Variants in AKT2 observed in about 807,000 individuals in gnomAD.
AKT2 encodes the protein RAC-beta serine/threonine-protein kinase.
In AKT2, 16 loss-of-function variants were observed where a neutral mutation model predicts 58.6. The ratio of observed to expected loss-of-function variants is 0.27; its 90% CI spans 0.18 to 0.41. AKT2 has a LOEUF of 0.41. AKT2 is among the 10% of genes least tolerant of loss of function. The pLI, the probability that AKT2 is intolerant of heterozygous loss-of-function variation, is 1.00. For missense variants in AKT2, 438 were observed against 661.0 expected (o/e 0.66, Z 3.70); for synonymous variants, 253 against 254.0 (o/e 1.00, Z 0.04).
intron 9 of AKT2, chr19:40,236,728 A>G (rs1350351939): frequency 5.6e-6 from 2 of 355,142 alleles, no homozygotes; most frequent in African/African-American, 4.2e-5. Context: ...CTGTCCTTTA[A>G]TTATGAAATA....
intron 4 of AKT2, among the ~76,000 whole-genome samples, chr19:40,252,840 C>A (rs1183740853): frequency 6.6e-6 from 1 of 152,194 alleles, no homozygotes; most frequent in Admixed American, 6.5e-5. Context: ...ACACCCAGGA[C>A]CTATACACCC....
chr19:40,271,006 G>A (rs1237826593), intron 1 of AKT2, among the ~76,000 whole-genome samples: 1 of 148,592 alleles, frequency 6.7e-6, no homozygotes, highest in African/African-American at 2.5e-5. Context: ...GAGCAAAACT[G>A]TGTCTCAAAA....
At chr19:40,245,062 G>C (rs979553042) in intron 4 of AKT2, among the ~76,000 whole-genome samples, 5 of 152,174 alleles carry the variant, frequency 3.3e-5, no homozygotes, top group Admixed American at 2.6e-4. Flanking sequence ...TATGAAACAG[G>C]GTGCCTCCCC....
chr19:40,267,078 C>G (rs58336440), intron 1 of AKT2, among the ~76,000 whole-genome samples: 27,444 of 152,084 alleles, frequency 0.18, 2,774 homozygotes, highest in African/African-American at 0.25. Flanking sequence ...GGTCTGCCCC[C>G]ATCTGCCCCC....
At chr19:40,275,234 C>T (rs1455817425) in intron 1 of AKT2, 2 of 456,844 alleles carry the variant, frequency 4.4e-6, no homozygotes, top group South Asian at 3.1e-5. Flanking sequence ...CGCCTCCTCC[C>T]ACACCCCGGC....
chr19:40,271,264 T>C (rs1214648606), intron 1 of AKT2, among the ~76,000 whole-genome samples: 1 of 143,282 alleles, frequency 7.0e-6, no homozygotes. Context: ...TATATATACA[T>C]ATATATATAT....
rs1358398280 is a variant in AKT2 at position 40,235,607 on chromosome 19, T to C, written c.1176-257A>G. 9 of 613,382 alleles carry C rather than the reference T, an allele frequency of 1.5e-5. No homozygotes were observed. The Admixed American group carries it at 1.7e-4, about 11-fold the overall frequency. 38.0% of individuals were successfully genotyped at this position (613,382 alleles called of 1,614,324 possible). A position where few individuals can be genotyped will look rare whatever the true frequency, so the allele number is the denominator to read the frequency against. On this transcript the variant is annotated intron_variant, in intron 11 of 13. Coordinates refer to ENST00000392038, the MANE Select transcript of AKT2 (RefSeq NM_001626.6). The surrounding 1 kb of genome is among the most constrained non-coding windows in gnomAD (Gnocchi z 6.3). ...CAGAAAGGGAGTTAGTAGGGCAGGC[T>C]CCGTTCCTATCCTGGCTCTGCCACA...
In AKT2 at chr19:40,240,099, A is replaced by G; in HGVS notation, c.585T>C (p.Ala195=). 1.2e-6 allele frequency: 2 copies of G among 1,614,004 alleles called. No homozygotes were observed. Among genetic ancestry groups the G allele is most frequent in the African/African-American group, 2.7e-5 (2 of 75,042 alleles). Residue 195 remains alanine (A), a synonymous_variant, in exon 7 of 14, where the codon GCT becomes GCC. Transcript: ENST00000392038. ...GGACCCGGCTCTCGGTGACTGTGTG[A>G]GCGACTTCATCCTGCAGACAGACTG... ...KEVIIAKDEV[A]HTVTESRVLQ...
Position 40,238,777 on chromosome 19 carries a change from G to C in AKT2, c.708+128C>G, listed in dbSNP as rs904868975. 1.6e-5 allele frequency: 16 copies of C among 1,021,786 alleles called. No individual in the cohort carries two copies. Among genetic ancestry groups the C allele is most frequent in the Non-Finnish European group, 2.0e-5 (13 of 652,132 alleles). 63.3% of individuals were successfully genotyped at this position (1,021,786 alleles called of 1,614,324 possible). ...ATGGAGACGAAGCCGCCTGCCTCAA[G>C]GGAGAGGGGCACTAGATGACACTGA... On this transcript the variant is annotated intron_variant, in intron 8 of 13. Transcript: ENST00000392038. The surrounding 1 kb of genome is among the most constrained non-coding windows in gnomAD (Gnocchi z 5.1).
chr19:40,250,595 A>C (rs1443724382), intron 4 of AKT2, among the ~76,000 whole-genome samples: 1 of 152,152 alleles, frequency 6.6e-6, no homozygotes. Flanking sequence ...TGGGAGGTTA[A>C]GATGGGCAGA....
intron 1 of AKT2, chr19:40,274,059 CTGT>C (rs2077266588): frequency 6.6e-6 from 1 of 152,660 alleles, no homozygotes; most frequent in South Asian, 2.1e-4. Flanking sequence ...GCCTGGCACT[CTGT>C]TCACCCATCT....
At chr19:40,269,597 C>G (rs1048730821) in intron 1 of AKT2, 1 of 152,140 alleles carries the variant, frequency 6.6e-6, no homozygotes, top group Non-Finnish European at 1.5e-5. Flanking sequence ...CCTAGCAATT[C>G]GTCTCAAGGA....
In AKT2 at chr19:40,257,764, T is replaced by C. The variant is rs1975645603; in HGVS notation, c.47-710A>G. ...GACCCTAATGTCCATCAACAACGAATGGATAAACAAAATGTAGCAGATTCA... is the reference window on the plus strand; with the variant it reads ...GACCCTAATGTCCATCAACAACGAACGGATAAACAAAATGTAGCAGATTCA... On this transcript the variant is annotated intron_variant, in intron 2 of 13. Coordinates refer to ENST00000392038, the MANE Select transcript of AKT2 (RefSeq NM_001626.6). Among the ~76,000 whole-genome samples, 3 of 152,050 alleles carry C rather than the reference T, an allele frequency of 2.0e-5. No individual in the cohort carries two copies. The South Asian group carries it at 6.2e-4, about 31-fold the overall frequency.
chr19:40,237,792 G>A lies in AKT2; in HGVS notation c.831+177C>T, dbSNP rs1030916994. On this transcript the variant is annotated intron_variant, in intron 9 of 13. Coordinates refer to ENST00000392038, the MANE Select transcript of AKT2 (RefSeq NM_001626.6). The surrounding 1 kb of genome is among the most constrained non-coding windows in gnomAD (Gnocchi z 4.5). ...GACCTTGGTGGGGAGCCTGGTGAAT[G>A]AGGGCAGCCACCACCCTGGACCTTG... 2.3e-6 allele frequency: 2 copies of A among 874,154 alleles called. No individual in the cohort carries two copies. Among genetic ancestry groups the A allele is most frequent in the African/African-American group, 1.7e-5 (1 of 57,540 alleles). The allele number at this position is 874,154 out of a possible 1,614,324, so 54.1% of individuals were successfully genotyped here.
intron 1 of AKT2, among the ~76,000 whole-genome samples, chr19:40,281,988 A>G (rs2077431617): frequency 6.6e-6 from 1 of 152,222 alleles, no homozygotes; most frequent in African/African-American, 2.4e-5. Context: ...AGCCTGCTCA[A>G]GGTCACACAG....
chr19:40,272,765 C>T (rs911783409), intron 1 of AKT2, among the ~76,000 whole-genome samples: 2 of 150,974 alleles, frequency 1.3e-5, no homozygotes, highest in African/African-American at 4.9e-5. Context: ...AAAAGAAATC[C>T]GAAGGAAATA....
At chr19:40,269,265 T>C (rs1976563142) in intron 1 of AKT2, among the ~76,000 whole-genome samples, 1 of 152,182 alleles carries the variant, frequency 6.6e-6, no homozygotes, top group South Asian at 2.1e-4. Context: ...CTAAGGTTCC[T>C]GGGCATGAGT....
At chr19:40,247,512 G>A (rs777923983) in intron 4 of AKT2, among the ~76,000 whole-genome samples, 2 of 152,204 alleles carry the variant, frequency 1.3e-5, no homozygotes, top group African/African-American at 2.4e-5. Context: ...TCAGTGAAGC[G>A]CTGAAAGCTA....
chr19:40,255,892 G>C (rs972399045), intron 3 of AKT2, among the ~76,000 whole-genome samples: 1 of 152,194 alleles, frequency 6.6e-6, no homozygotes, highest in African/African-American at 2.4e-5. Context: ...AGAGGGTGAG[G>C]CTGGAGGTTG....
Sources: gnomAD v4.1 joint callset for allele counts (sites outside exome capture counted in the v4.1 genomes callset) on GRCh38, gnomAD v4.1.1 for gene constraint, Gnocchi (gnomAD v3.1) non-coding constraint, MANE v1.5 for transcripts, NCBI Gene and HGNC (gene_info 2026-07-23, HGNC 2026-07-21) for gene names.